Variants in GRIK2 observed in about 807,000 individuals in gnomAD.
The protein encoded by GRIK2 is glutamate receptor ionotropic, kainate 2.
Under a neutral mutation model 100.3 loss-of-function variants are expected in GRIK2, and 32 were observed. That is an observed-to-expected ratio of 0.32 (90% CI 0.24 to 0.43). The LOEUF (loss-of-function observed/expected upper bound fraction) is 0.43. Ranked by LOEUF, GRIK2 falls within the 20% of genes least tolerant of loss-of-function variation. The pLI, the probability that GRIK2 is intolerant of heterozygous loss-of-function variation, is 1.00. For missense variants in GRIK2, 843 were observed against 1,114.9 expected (o/e 0.76, Z 3.47); for synonymous variants, 417 against 389.4 (o/e 1.07, Z -0.83).
chr6:101,992,634 A>G lies in GRIK2; in HGVS notation c.2086-42707A>G, dbSNP rs576689047. The stretch of plus-strand genomic sequence containing the variant: ...ATTTCAGACAGATTGAATTTTTTTT[A>G]AAGTGAAATAGGAAGGTCACAAAAT... On this transcript the variant is annotated intron_variant, in intron 14 of 16. Transcript: ENST00000369134. 7.1e-4 allele frequency among the ~76,000 whole-genome samples: 107 copies of G among 151,724 alleles called. 1 individual carries two copies. Among genetic ancestry groups the G allele is most frequent in the South Asian group, 2.9e-3 (14 of 4,826 alleles).
intron 15 of GRIK2, among the ~76,000 whole-genome samples, chr6:102,043,662 A>G (rs933156760): frequency 4.6e-5 from 7 of 151,894 alleles, no homozygotes; most frequent in Non-Finnish European, 8.8e-5. Context: ...CTGATCCATT[A>G]TAAATATAAG....
At chr6:101,743,581 A>T (rs545331791) in intron 7 of GRIK2, among the ~76,000 whole-genome samples, 1 of 152,086 alleles carries the variant, frequency 6.6e-6, no homozygotes, top group African/African-American at 2.4e-5. Flanking sequence ...TTTTATCTAC[A>T]CCTTGTTCTC....
intron 4 of GRIK2, among the ~76,000 whole-genome samples, chr6:101,636,051 CGT>C (rs1287122774): frequency 6.6e-6 from 1 of 152,046 alleles, no homozygotes; most frequent in African/African-American, 2.4e-5. Flanking sequence ...CACATGCACA[CGT>C]ATGTTTATTG....
At chr6:101,969,818 G>T (rs1032198684) in intron 14 of GRIK2, among the ~76,000 whole-genome samples, 46 of 151,980 alleles carry the variant, frequency 3.0e-4, no homozygotes, top group African/African-American at 1.1e-3. Flanking sequence ...GTCAGCAACT[G>T]CTTGGTTTGC....
chr6:101,737,305 ATTAG>A (rs1397794542), intron 7 of GRIK2, among the ~76,000 whole-genome samples: 3 of 152,136 alleles, frequency 2.0e-5, no homozygotes, highest in Non-Finnish European at 4.4e-5. Context: ...AATTTACAGT[ATTAG>A]TTTGTTTTCA....
intron 14 of GRIK2, among the ~76,000 whole-genome samples, chr6:102,028,638 C>A (rs1314772259): frequency 2.6e-5 from 4 of 150,954 alleles, no homozygotes; most frequent in African/African-American, 9.7e-5. Context: ...CATGCAATAT[C>A]TCTGAGACAT....
intron 2 of GRIK2, among the ~76,000 whole-genome samples, chr6:101,461,696 G>C (rs1771315252): frequency 6.6e-6 from 1 of 152,100 alleles, no homozygotes; most frequent in African/African-American, 2.4e-5. Context: ...ATTAAGACGT[G>C]AACATATTTG....
intron 7 of GRIK2, among the ~76,000 whole-genome samples, chr6:101,691,982 G>A (rs758075558): frequency 6.9e-6 from 1 of 144,402 alleles, no homozygotes. Context: ...AGCCTGGGAA[G>A]TTGAGGCTGC....
At chr6:101,549,700 G>C (rs1462482747) in intron 2 of GRIK2, among the ~76,000 whole-genome samples, 1 of 152,072 alleles carries the variant, frequency 6.6e-6, no homozygotes, top group Admixed American at 6.6e-5. Context: ...TTAGGTATCT[G>C]CTCTTTTTTG....
At chr6:101,811,694 A>G (rs1781332848) in intron 9 of GRIK2, among the ~76,000 whole-genome samples, 1 of 151,946 alleles carries the variant, frequency 6.6e-6, no homozygotes, top group Non-Finnish European at 1.5e-5. Context: ...CAGAGCTAAC[A>G]TGCATCTTTA....
intron 12 of GRIK2, among the ~76,000 whole-genome samples, chr6:101,903,011 C>A (rs1787976838): frequency 6.6e-6 from 1 of 151,790 alleles, no homozygotes; most frequent in African/African-American, 2.4e-5. Context: ...CTACATCATT[C>A]TTAGAGACTT....
chr6:101,956,939 A>C (rs76194623), intron 14 of GRIK2, among the ~76,000 whole-genome samples: 2,300 of 151,388 alleles, frequency 0.015, 57 homozygotes, highest in African/African-American at 0.053. Context: ...TATGGTGAAT[A>C]GTGCTGTGAC....
At chr6:101,892,864 G>GA (rs1321035279) in intron 12 of GRIK2, among the ~76,000 whole-genome samples, 25 of 151,050 alleles carry the variant, frequency 1.7e-4, no homozygotes, top group Non-Finnish European at 3.6e-4. Flanking sequence ...TTCTGAATTT[G>GA]AAAAAATAAA....
chr6:101,889,601 C>CTTTTT, intron 11 of GRIK2, 39 bp from the exon 12 acceptor site: 1 of 1,017,516 alleles, frequency 9.8e-7, no homozygotes. Context: ...CTCTTTCTTT[C>CTTTTT]TTTCTTTTTT....
In GRIK2 at chr6:102,070,054, A is replaced by G. The variant is rs886821408; in HGVS notation, c.*1543A>G. ...AATCCAATGCACAAAATTAAAAAAA[A>G]TCATTAAAACTATGTTCATTTTACT... On this transcript the variant is annotated 3_prime_UTR_variant, in exon 17 of 17. Transcript: ENST00000369134. The G allele has an allele frequency of 2.0e-5, 3 of 152,076 alleles. No homozygotes were observed. The highest frequency in any genetic ancestry group is 2.9e-5 in the Non-Finnish European group (2 of 67,990). The allele number at this position is 152,076 out of a possible 1,614,324, so 9.4% of individuals were successfully genotyped here.
intron 8 of GRIK2, among the ~76,000 whole-genome samples, chr6:101,801,699 A>G (rs1381228508): frequency 6.6e-6 from 1 of 151,918 alleles, no homozygotes; most frequent in Non-Finnish European, 1.5e-5. Flanking sequence ...AAAACTTTTT[A>G]CGTTAAAAAA....
chr6:101,953,109 T>C lies in GRIK2; in HGVS notation c.2085+24477T>C, dbSNP rs1437800596. 2.0e-5 allele frequency among the ~76,000 whole-genome samples: 3 copies of C among 152,316 alleles called. No homozygotes were observed. In the East Asian group the frequency reaches 5.8e-4, roughly 29 times the overall value. ...TCAGTGTGTATCAAAATTTTATTCT[T>C]CTTTTTGCAGAATAATATTGTACTA... On this transcript the variant is annotated intron_variant, in intron 14 of 16. Transcript: ENST00000369134.
intron 4 of GRIK2, among the ~76,000 whole-genome samples, chr6:101,668,268 A>G (rs1770176860): frequency 1.3e-5 from 2 of 152,174 alleles, no homozygotes; most frequent in South Asian, 4.1e-4. Flanking sequence ...TTCTCTGTAC[A>G]GAAAAAATCC....
At chr6:101,838,097 A>G (rs1236232796) in intron 10 of GRIK2, among the ~76,000 whole-genome samples, 1 of 152,164 alleles carries the variant, frequency 6.6e-6, no homozygotes, top group Non-Finnish European at 1.5e-5. Flanking sequence ...CACAGAGAAG[A>G]ATATGAACAA....
Sources: allele counts gnomAD v4.1 joint callset (sites outside exome capture counted in the v4.1 genomes callset), GRCh38; gene constraint gnomAD v4.1.1; transcripts MANE v1.5; gene names NCBI Gene and HGNC (gene_info 2026-07-23, HGNC 2026-07-21).